NFASC: variants seen among roughly 807,000 people sequenced by gnomAD.
NFASC encodes neurofascin homolog.
Under a neutral mutation model 147.5 loss-of-function variants are expected in NFASC, and 43 were observed. The ratio of observed to expected loss-of-function variants is 0.29; its 90% CI spans 0.23 to 0.38. The LOEUF is 0.38. Among genes scored for constraint, NFASC ranks in the 10% least tolerant of loss-of-function variants. The pLI is 1.00. For synonymous variants in NFASC, 622 were observed against 665.5 expected (o/e 0.93, Z 1.01); for missense variants, 1,320 against 1,689.0 (o/e 0.78, Z 3.83).
Position 204,981,941 on chromosome 1 carries a change from T to A in NFASC, c.2391T>A (p.Tyr797Ter), listed in dbSNP as rs573844849. ...GGCAGACCCCAGTCTACGTGCCCTATGAGATCCGAGTCCAGGCTGAAAATG... is the reference window on the plus strand; with the variant it reads ...GGCAGACCCCAGTCTACGTGCCCTAAGAGATCCGAGTCCAGGCTGAAAATG... ...VVGQTPVYVP[Y>*]EIRVQAENDF... Residue 797 changes from tyrosine (Y) to a stop codon, truncating the protein, a stop_gained, in exon 21 of 30, where the codon TAT (tyrosine) becomes TAA (stop). Transcript: ENST00000339876. LOFTEE classifies it high-confidence loss of function. 1 of 1,606,634 alleles carries A rather than the reference T, an allele frequency of 6.2e-7. No homozygotes were observed. The highest frequency in any genetic ancestry group is 1.1e-5 in the South Asian group (1 of 89,914).
At chr1:204,955,604 C>G (rs892088129) in intron 7 of NFASC, among the ~76,000 whole-genome samples, 3 of 152,134 alleles carry the variant, frequency 2.0e-5, no homozygotes, top group Non-Finnish European at 4.4e-5. Context: ...GAGCCTCATT[C>G]ATCCTCTCCG....
rs1349637570 is a variant in NFASC at position 204,968,251 on chromosome 1, C to T, written c.709C>T (p.Arg237Ter). The T allele has an allele frequency of 1.2e-6, 2 of 1,612,598 alleles. No individual in the cohort carries two copies. The highest frequency in any genetic ancestry group is 1.3e-5 in the African/African-American group (1 of 74,888). The change falls in exon 9 of 30, where the codon CGA becomes TGA. Residue 237 changes from arginine to a stop codon, truncating the protein, a stop_gained and splice_region_variant. Transcript: ENST00000339876. LOFTEE classifies it high-confidence loss of function. This position sits in a 1 kb window ranked among gnomAD's most constrained non-coding sequence, Gnocchi z 5.4. ...GAGTTTGTTCTCTCCTGTTTCAGCC[C>T]GAGGAGTTGCAGAAAGAACACCAAG... ...NPFTLKVLTTRGVAERTPSFM... is the reference protein window; with the variant it reads ...NPFTLKVLTT
chr1:204,924,721 T>C (rs937185760), intron 2 of NFASC, among the ~76,000 whole-genome samples: 5 of 152,182 alleles, frequency 3.3e-5, no homozygotes, highest in Non-Finnish European at 7.3e-5. Flanking sequence ...TCCTTAGGTA[T>C]AGAGCTAGGG....
intron 1 of NFASC, among the ~76,000 whole-genome samples, chr1:204,891,164 G>A (rs2082317352): frequency 6.6e-6 from 1 of 152,142 alleles, no homozygotes; most frequent in African/African-American, 2.4e-5. Context: ...CAGAACCTCG[G>A]GCAAGGCTTA....
Position 204,979,528 on chromosome 1 carries a change from C to T in NFASC, c.2145C>T (p.Leu715=). Residue 715 remains leucine, a synonymous_variant, in exon 19 of 30, where the codon CTC becomes CTT. Transcript: ENST00000339876. This position sits in a 1 kb window ranked among gnomAD's most constrained non-coding sequence, Gnocchi z 6.0. ...INEVGSSHPS[L]PSERYRTSGA... is the part of the protein sequence containing the mutation. ...AGGTTGGGAGCAGCCACCCCAGCCTCCCATCCGAGCGCTACCGAACCAGTG... is the reference window on the plus strand; with the variant it reads ...AGGTTGGGAGCAGCCACCCCAGCCTTCCATCCGAGCGCTACCGAACCAGTG... 1.9e-6 allele frequency: 3 copies of T among 1,613,800 alleles called. No homozygotes were observed. The highest frequency in any genetic ancestry group is 2.5e-6 in the Non-Finnish European group (3 of 1,180,028).
chr1:204,880,823 G>T (rs1278790481), intron 1 of NFASC, among the ~76,000 whole-genome samples: 1 of 152,174 alleles, frequency 6.6e-6, no homozygotes, highest in African/African-American at 2.4e-5. Flanking sequence ...ATCAGCGTCA[G>T]AGAGAACCCA....
chr1:204,861,901 G>C (rs983672450), intron 1 of NFASC, among the ~76,000 whole-genome samples: 1 of 152,200 alleles, frequency 6.6e-6, no homozygotes, highest in Admixed American at 6.5e-5. Flanking sequence ...GTTGGTTTCT[G>C]GTTCTTAGCC....
rs1488548531 is a variant in NFASC at position 205,002,613 on chromosome 1, A to G, written c.3154A>G (p.Thr1052Ala). The change falls in exon 27 of 30, where the codon ACT becomes GCT. Residue 1052 changes from threonine to alanine, a missense_variant. Physicochemically the swap from Thr to Ala is moderately conservative, Grantham distance 58. Coordinates refer to ENST00000339876, the MANE Select transcript of NFASC (RefSeq NM_001005388.3). ...EYIDSNHTKK[T>A]VPVKAQAQPI... The stretch of plus-strand genomic sequence containing the variant: ...TTCCCCAGGCAACCATACGAAAAAA[A>G]CTGTCCCAGTTAAGGCCCAGGCTCA... 1 of 1,529,302 alleles carries G rather than the reference A, an allele frequency of 6.5e-7. No homozygotes were observed. The highest frequency in any genetic ancestry group is 1.4e-5 in the African/African-American group (1 of 72,812). The allele number at this position is 1,529,302 out of a possible 1,614,324, so 94.7% of individuals were successfully genotyped here.
rs769508594 is a variant in NFASC, at chr1:204,970,761, T to G, written c.1135+14T>G. ...AACCTTTGCAATGTAAGTAGCGAGC[T>G]GTTGTCCCATCTGACTCTCATCTCT... On this transcript the variant is annotated intron_variant, in intron 11 of 29. Coordinates refer to ENST00000339876, the MANE Select transcript of NFASC (RefSeq NM_001005388.3). 1 of 1,614,160 alleles carries G rather than the reference T, an allele frequency of 6.2e-7. No individual in the cohort carries two copies. Among genetic ancestry groups the G allele is most frequent in the South Asian group, 1.1e-5 (1 of 91,080 alleles).
intron 3 of NFASC, among the ~76,000 whole-genome samples, chr1:204,945,716 G>C (rs71633527): frequency 3.9e-5 from 6 of 152,320 alleles, no homozygotes; most frequent in African/African-American, 1.4e-4. Flanking sequence ...GAGGAGAGGA[G>C]AGTTGTGAAA....
chr1:204,984,185 T>A, intron 21 of NFASC: 1 of 1,350,558 alleles, frequency 7.4e-7, no homozygotes, highest in Non-Finnish European at 1.1e-6. Context: ...CCCAGCTCAC[T>A]AACCAGGGCC....
intron 3 of NFASC, chr1:204,946,955 C>T (rs2093790105): frequency 1.9e-5 from 7 of 366,388 alleles, no homozygotes; most frequent in Admixed American, 6.8e-5. Context: ...GGCTGAGCAT[C>T]TGAAGCCCAC....
intron 1 of NFASC, among the ~76,000 whole-genome samples, chr1:204,830,404 ATCC>A (rs1266561124): frequency 6.6e-6 from 1 of 152,182 alleles, no homozygotes; most frequent in Non-Finnish European, 1.5e-5. Flanking sequence ...GCAGAGATCT[ATCC>A]TCCTTCTGGT....
At chr1:204,912,731 A>G (rs1029418893) in intron 1 of NFASC, among the ~76,000 whole-genome samples, 1 of 151,630 alleles carries the variant, frequency 6.6e-6, no homozygotes, top group Non-Finnish European at 1.5e-5. Flanking sequence ...TTTTTAAAAA[A>G]TTGTGGTCTA....
intron 1 of NFASC, among the ~76,000 whole-genome samples, chr1:204,865,327 G>A (rs1371371090): frequency 2.0e-4 from 31 of 152,308 alleles, no homozygotes; most frequent in Admixed American, 2.0e-3. Context: ...TCATGTGAAT[G>A]TAGTCTCTCT....
rs1437231552 is a variant in NFASC at position 205,022,458 on chromosome 1, C to T, written c.*5919C>T. On this transcript the variant is annotated 3_prime_UTR_variant, in exon 30 of 30. Transcript: ENST00000339876. ...TGGGGAATTTTTTTTCCCAGCGTCT[C>T]CATCCCTTCCTACATATCCACACAC... 1 of 152,390 alleles carries T rather than the reference C, an allele frequency of 6.6e-6. No homozygotes were observed. Among genetic ancestry groups the T allele is most frequent in the African/African-American group, 2.4e-5 (1 of 41,356 alleles). 9.4% of individuals were successfully genotyped at this position (152,390 alleles called of 1,614,324 possible). A position where few individuals can be genotyped will look rare whatever the true frequency, so the allele number is the denominator to read the frequency against.
chr1:204,979,633 C>A lies in NFASC; in HGVS notation c.2176+74C>A. ...AACTCACACTGAGATCCCCCCATTC[C>A]CAGCCATGTGAACTTAGGTTACTTA... On this transcript the variant is annotated intron_variant, in intron 19 of 29. Transcript: ENST00000339876. This position sits in a 1 kb window ranked among gnomAD's most constrained non-coding sequence, Gnocchi z 6.0. The A allele has an allele frequency of 7.2e-7, 1 of 1,398,580 alleles. No homozygotes were observed. The highest frequency in any genetic ancestry group is 1.0e-6 in the Non-Finnish European group (1 of 986,526). The allele number at this position is 1,398,580 out of a possible 1,614,324, so 86.6% of individuals were successfully genotyped here. A position where few individuals can be genotyped will look rare whatever the true frequency, so the allele number is the denominator to read the frequency against.
At chr1:204,878,066 T>A (rs1572383912) in intron 1 of NFASC, among the ~76,000 whole-genome samples, 2 of 152,250 alleles carry the variant, frequency 1.3e-5, no homozygotes, top group African/African-American at 2.4e-5. Context: ...AGCAGCTGAC[T>A]TCTGGAGTTT....
At chr1:204,922,069 G>A (rs1014966842) in intron 2 of NFASC, among the ~76,000 whole-genome samples, 1 of 152,192 alleles carries the variant, frequency 6.6e-6, no homozygotes, top group South Asian at 2.1e-4. Context: ...ACACGTGGAG[G>A]AGTATGATTG....
Sources: gnomAD v4.1 joint callset for allele counts (sites outside exome capture counted in the v4.1 genomes callset) on GRCh38, gnomAD v4.1.1 for gene constraint, Gnocchi (gnomAD v3.1) non-coding constraint, MANE v1.5 for transcripts, NCBI Gene and HGNC (gene_info 2026-07-23, HGNC 2026-07-21) for gene names.